The following IGSF11 variants were observed in gnomAD, a reference collection of about 807,000 sequenced individuals.
IGSF11 encodes the protein CXADR like 1.
IGSF11 carries 22 observed loss-of-function variants against 41.0 expected under a neutral mutation model. The ratio of observed to expected loss-of-function variants is 0.54; its 90% CI spans 0.38 to 0.77. The LOEUF is 0.77. Among genes scored for constraint, IGSF11 ranks in the 30% least tolerant of loss-of-function variants. The pLI is 0.00. For synonymous variants in IGSF11, 219 were observed against 201.3 expected (o/e 1.09, Z -0.74); for missense variants, 444 against 530.8 (o/e 0.84, Z 1.61).
At chr3:119,145,744 C>T in intron 1 of IGSF11, 1 of 161,602 alleles carries the variant, frequency 6.2e-6, no homozygotes, top group Non-Finnish European at 1.4e-5. Flanking sequence ...GGTCCTCGTG[C>T]AGCTGGTTGT....
chr3:119,043,767 G>A (rs977993949), intron 1 of IGSF11, among the ~76,000 whole-genome samples: 1 of 152,136 alleles, frequency 6.6e-6, no homozygotes, highest in Non-Finnish European at 1.5e-5. Context: ...CCAGACGGGA[G>A]CCCAGTTAGC....
rs556651891 is a variant in IGSF11 at position 119,055,633 on chromosome 3, T to A, written c.49+49511A>T. Among the ~76,000 whole-genome samples the A allele has an allele frequency of 2.6e-5, 4 of 152,352 alleles. No homozygotes were observed. The East Asian group carries it at 7.7e-4, about 29-fold the overall frequency. Reference sequence around the variant, plus strand: ...GCACCAAGCAGACCTAAGAGACATCTACAGAACTCTCCACCCTAAATCAAC... The same window carrying A: ...GCACCAAGCAGACCTAAGAGACATCAACAGAACTCTCCACCCTAAATCAAC... On this transcript the variant is annotated intron_variant, in intron 1 of 6. Transcript: ENST00000354673.
intron 1 of IGSF11, among the ~76,000 whole-genome samples, chr3:119,025,142 G>A (rs2107721401): frequency 6.6e-6 from 1 of 152,240 alleles, no homozygotes; most frequent in African/African-American, 2.4e-5. Flanking sequence ...GGGAGAGAGA[G>A]AGGAAAGTCA....
chr3:119,113,299 A>G (rs1247400066), intron 1 of IGSF11, among the ~76,000 whole-genome samples: 2 of 152,190 alleles, frequency 1.3e-5, no homozygotes, highest in Non-Finnish European at 2.9e-5. Flanking sequence ...TCAGAAGTCC[A>G]CAGTCCAAAG....
At chr3:118,916,402 A>G (rs1005755552) in intron 4 of IGSF11, among the ~76,000 whole-genome samples, 2 of 152,024 alleles carry the variant, frequency 1.3e-5, no homozygotes, top group African/African-American at 2.4e-5. Context: ...AAATAAAAGG[A>G]TGGAGGAAGA....
intron 1 of IGSF11, among the ~76,000 whole-genome samples, chr3:119,034,245 C>A (rs996614067): frequency 6.6e-6 from 1 of 152,236 alleles, no homozygotes; most frequent in East Asian, 1.9e-4. Context: ...ATCCTGCATT[C>A]CGCAGAGCGC....
At chr3:118,931,753 T>TTTTTG in intron 1 of IGSF11, among the ~76,000 whole-genome samples, 1 of 151,510 alleles carries the variant, frequency 6.6e-6, no homozygotes, top group African/African-American at 2.4e-5. Context: ...TTTTTTTTTT[T>TTTTTG]GAGACAGTCT....
chr3:119,136,771 A>G (rs559504801), intron 1 of IGSF11, among the ~76,000 whole-genome samples: 2 of 152,296 alleles, frequency 1.3e-5, no homozygotes, highest in African/African-American at 2.4e-5. Flanking sequence ...CAGAAAATCA[A>G]CAAAGAAACT....
intron 4 of IGSF11, among the ~76,000 whole-genome samples, chr3:118,910,347 A>T (rs1244354662): frequency 1.3e-5 from 2 of 152,310 alleles, no homozygotes; most frequent in East Asian, 3.9e-4. Flanking sequence ...CCACAACAGG[A>T]ATCTGAGTTA....
chr3:118,959,406 G>C (rs1945178936), intron 1 of IGSF11, among the ~76,000 whole-genome samples: 1 of 152,164 alleles, frequency 6.6e-6, no homozygotes, highest in Admixed American at 6.5e-5. Context: ...AGAATAAACA[G>C]CAAGGAAGTG....
chr3:118,954,220 T>C (rs1302740953), intron 1 of IGSF11, among the ~76,000 whole-genome samples: 1 of 152,134 alleles, frequency 6.6e-6, no homozygotes, highest in African/African-American at 2.4e-5. Flanking sequence ...GTTGTAAGTA[T>C]TTGGCTTTAT....
At chr3:118,934,452 T>C (rs1285947074) in intron 1 of IGSF11, among the ~76,000 whole-genome samples, 1 of 152,186 alleles carries the variant, frequency 6.6e-6, no homozygotes, top group Non-Finnish European at 1.5e-5. Context: ...TGAATGTTGG[T>C]ATTTCTGAAA....
At chr3:119,042,218 G>C (rs1203752448) in intron 1 of IGSF11, among the ~76,000 whole-genome samples, 1 of 152,224 alleles carries the variant, frequency 6.6e-6, no homozygotes, top group Non-Finnish European at 1.5e-5. Flanking sequence ...ATCTGACAGA[G>C]GTCCTTGGGG....
intron 1 of IGSF11, among the ~76,000 whole-genome samples, chr3:118,963,817 GCTACAATTTTAATTAATATTCT>G (rs1945496743): frequency 6.6e-6 from 1 of 151,994 alleles, no homozygotes; most frequent in African/African-American, 2.4e-5. Context: ...CCTTAGGGAG[GCTACAATTTTAATTAATATTCT>G]CTAATTGACA....
chr3:119,062,988 G>A (rs1942101624), intron 1 of IGSF11, among the ~76,000 whole-genome samples: 1 of 151,990 alleles, frequency 6.6e-6, no homozygotes, highest in African/African-American at 2.4e-5. Flanking sequence ...ATTGTCAACG[G>A]AATTATATAT....
chr3:119,012,829 T>C (rs1938286037), intron 1 of IGSF11: 1 of 152,216 alleles, frequency 6.6e-6, no homozygotes, highest in Admixed American at 6.6e-5. Flanking sequence ...CCACTTCCAA[T>C]CCATCCTCCA....
upstream of IGSF11, among the ~76,000 whole-genome samples, chr3:119,108,317 T>G (rs1164858741): frequency 1.4e-5 from 2 of 139,238 alleles, no homozygotes; most frequent in Admixed American, 7.2e-5. Flanking sequence ...TCTTGTAAGT[T>G]GGATTCCTAA....
chr3:119,030,974 G>C (rs189999416), intron 1 of IGSF11, among the ~76,000 whole-genome samples: 7 of 152,136 alleles, frequency 4.6e-5, no homozygotes. Context: ...ACTAGTTATG[G>C]GGCCAGGCAC....
chr3:119,110,508 G>T (rs1340616204), intron 1 of IGSF11, among the ~76,000 whole-genome samples: 1 of 152,148 alleles, frequency 6.6e-6, no homozygotes, highest in African/African-American at 2.4e-5. Context: ...TGGCTTTCCT[G>T]AATACAGCAC....
Sources: allele counts gnomAD v4.1 joint callset (sites outside exome capture counted in the v4.1 genomes callset), GRCh38; gene constraint gnomAD v4.1.1; transcripts MANE v1.5; gene names NCBI Gene and HGNC (gene_info 2026-07-23, HGNC 2026-07-21).